Variants in COL4A5 observed in about 807,000 individuals in gnomAD.
The protein encoded by COL4A5 is collagen alpha-5(IV) chain.
Under a neutral mutation model 130.2 loss-of-function variants are expected in COL4A5, and 26 were observed. The ratio of observed to expected loss-of-function variants is 0.20; its 90% CI spans 0.15 to 0.28. The LOEUF is 0.28. COL4A5 is among the 10% of genes least tolerant of loss of function. COL4A5 has a pLI of 1.00. For missense variants in COL4A5, 1,131 were observed against 1,344.3 expected, an observed-to-expected ratio of 0.84 and a Z score of 2.48; for synonymous variants, 496 against 439.6, an observed-to-expected ratio of 1.13 and a Z score of -1.60.
intron 36 of COL4A5, 182 bp downstream of exon 36, chrX:108,626,531 A>G: frequency 8.7e-7 from 1 of 1,143,766 alleles, no homozygotes; most frequent in Non-Finnish European, 1.2e-6. Context: ...GTTTGTGGCC[A>G]GTCCAAAATA....
At chrX:108,511,584 A>G (rs2065179580) in intron 1 of COL4A5, among the ~76,000 whole-genome samples, 2 of 111,896 alleles carry the variant, frequency 1.8e-5, no homozygotes, top group Admixed American at 9.5e-5. Flanking sequence ...ACAGTAATCA[A>G]GACTGTTTGG....
At chrX:108,498,197 G>A (rs1226780051) in intron 1 of COL4A5, among the ~76,000 whole-genome samples, 2 of 111,289 alleles carry the variant, frequency 1.8e-5, no homozygotes, top group Non-Finnish European at 3.8e-5. Context: ...AGAGGTTGAC[G>A]TTTCTGTTTT....
At chrX:108,645,332 TAAGAA>T (rs1240925966) in intron 36 of COL4A5, among the ~76,000 whole-genome samples, 2 of 111,354 alleles carry the variant, frequency 1.8e-5, no homozygotes, top group African/African-American at 6.5e-5. Flanking sequence ...TTACCAAGAT[TAAGAA>T]AAGAAGAGAG....
At chrX:108,618,187 T>C (rs891479741) in intron 30 of COL4A5, among the ~76,000 whole-genome samples, 1 of 111,372 alleles carries the variant, frequency 9.0e-6, no homozygotes, top group African/African-American at 3.3e-5. Context: ...GGGATTTATA[T>C]TGACTTCTTC....
At chrX:108,486,295 GGTTTTTTTTAT>G (rs1443807981) in intron 1 of COL4A5, among the ~76,000 whole-genome samples, 1 of 111,258 alleles carries the variant, frequency 9.0e-6, no homozygotes, top group Non-Finnish European at 1.9e-5. Flanking sequence ...CTAATTTTTA[GGTTTTTTTTAT>G]GAAGATGGTT....
chrX:108,577,201 T>C (rs1192224003), intron 10 of COL4A5, among the ~76,000 whole-genome samples: 2 of 106,568 alleles, frequency 1.9e-5, no homozygotes, highest in Admixed American at 1.0e-4. Flanking sequence ...AGAAACCCCA[T>C]CTCTACTAAA....
At chrX:108,648,189 C>T (rs2067647763) in intron 36 of COL4A5, among the ~76,000 whole-genome samples, 1 of 110,718 alleles carries the variant, frequency 9.0e-6, no homozygotes, top group Non-Finnish European at 1.9e-5. Flanking sequence ...TGAAAACCCT[C>T]CCATCTTAAA....
intron 18 of COL4A5, among the ~76,000 whole-genome samples, chrX:108,585,976 C>T (rs2066329616): frequency 9.0e-6 from 1 of 110,820 alleles, no homozygotes; most frequent in South Asian, 3.7e-4. Context: ...TAGACAAGAA[C>T]GTGCAAGTTG....
At chrX:108,652,083 A>C (rs1484103445) in intron 36 of COL4A5, among the ~76,000 whole-genome samples, 1 of 111,595 alleles carries the variant, frequency 9.0e-6, no homozygotes, top group East Asian at 2.8e-4. Context: ...ATTTCATGTT[A>C]AGTGCTCTTA....
chrX:108,668,986 A>C (rs761735140), intron 41 of COL4A5, among the ~76,000 whole-genome samples: 3 of 111,877 alleles, frequency 2.7e-5, no homozygotes, highest in African/African-American at 9.7e-5. Context: ...CACAATTAAA[A>C]AAATTATCTT....
At chrX:108,523,250 TTTAAG>T (rs775766236) in intron 1 of COL4A5, among the ~76,000 whole-genome samples, 61 of 111,880 alleles carry the variant, frequency 5.5e-4, no homozygotes, top group Non-Finnish European at 1.0e-3. Context: ...TTTGATCTGT[TTTAAG>T]TTAATTTCTA....
chrX:108,624,328 C>T lies in COL4A5; in HGVS notation c.3010C>T (p.Pro1004Ser). Reference sequence around the variant, plus strand: ...GAGTGGACAACCTGGATTACCAGGACCACCAGGTAAGTGTGATAGGCCATT... The same window carrying T: ...GAGTGGACAACCTGGATTACCAGGATCACCAGGTAAGTGTGATAGGCCATT... The part of the protein sequence containing the change: ...GLSGQPGLPG[P>S]PGPKGNPGLP... Residue 1004 changes from proline to serine, a missense_variant, in exon 34 of 53, where the codon CCA (proline) becomes TCA (serine). By Grantham distance (74) the Pro-to-Ser change is moderately conservative. Coordinates refer to ENST00000328300, the MANE Select transcript of COL4A5 (RefSeq NM_033380.3). 1 of 1,197,016 alleles carries T rather than the reference C, an allele frequency of 8.4e-7. No individual in the cohort carries two copies. Among genetic ancestry groups the T allele is most frequent in the East Asian group, 3.0e-5 (1 of 33,747 alleles).
chrX:108,571,663 T>C, intron 7 of COL4A5, 148 bp from the exon 8 acceptor site: 1 of 566,488 alleles, frequency 1.8e-6, no homozygotes. Flanking sequence ...TGTATATAAA[T>C]GTCACCTCTA....
intron 1 of COL4A5, among the ~76,000 whole-genome samples, chrX:108,526,724 T>C (rs992158544): frequency 2.4e-5 from 2 of 84,222 alleles, no homozygotes; most frequent in South Asian, 6.3e-4. Flanking sequence ...TTTCTTTCTT[T>C]CTTCCTCCTC....
chrX:108,692,342 A>C (rs186693647), intron 49 of COL4A5, among the ~76,000 whole-genome samples: 14 of 111,337 alleles, frequency 1.3e-4, no homozygotes, highest in African/African-American at 4.6e-4. Context: ...GCAGATTCAC[A>C]CAAGATACAT....
intron 28 of COL4A5, among the ~76,000 whole-genome samples, chrX:108,603,708 C>G (rs767295045): frequency 6.3e-5 from 7 of 111,629 alleles, no homozygotes; most frequent in Non-Finnish European, 1.3e-4. Flanking sequence ...TCAATTGACT[C>G]TTCCTTTCAG....
At chrX:108,553,852 A>C (rs978413711) in intron 2 of COL4A5, among the ~76,000 whole-genome samples, 1 of 112,106 alleles carries the variant, frequency 8.9e-6, no homozygotes, top group African/African-American at 3.2e-5. Context: ...ATGAATCAAC[A>C]CATTGCAGTA....
At chrX:108,483,494 A>G (rs2881306) in intron 1 of COL4A5, among the ~76,000 whole-genome samples, 11,442 of 110,749 alleles carry the variant, frequency 0.1, 1,298 homozygotes, top group African/African-American at 0.34. Context: ...GATTGTGCCC[A>G]CCAGATTAAG....
At chrX:108,596,925 C>T in intron 22 of COL4A5, 73 bp from the exon 23 acceptor site, 1 of 1,034,617 alleles carries the variant, frequency 9.7e-7, no homozygotes, top group Non-Finnish European at 1.3e-6. Flanking sequence ...TCTGTATGAG[C>T]TTTGTCAGGA....
Sources: gnomAD v4.1 joint callset for allele counts (sites outside exome capture counted in the v4.1 genomes callset) on GRCh38, gnomAD v4.1.1 for gene constraint, MANE v1.5 for transcripts, NCBI Gene and HGNC (gene_info 2026-07-23, HGNC 2026-07-21) for gene names.